The following CNTN4 variants were observed in gnomAD, a reference collection of about 807,000 sequenced individuals.
CNTN4 encodes the protein contactin-4.
A neutral mutation model predicts 122.5 loss-of-function variants in CNTN4; 77 were observed. That is an observed-to-expected ratio of 0.63 (90% CI 0.52 to 0.76). CNTN4 has a LOEUF of 0.76. Ranked by LOEUF, CNTN4 falls within the 30% of genes least tolerant of loss-of-function variation. The probability of loss-of-function intolerance (pLI) is 0.00; values close to 1 mark genes in which losing one functional copy is unlikely to be tolerated. For synonymous variants in CNTN4, 512 were observed against 447.0 expected (o/e 1.15, Z -1.83); for missense variants, 1,256 against 1,259.1 (o/e 1.00, Z 0.04).
intron 2 of CNTN4, among the ~76,000 whole-genome samples, chr3:2,241,461 C>G (rs1206616428): frequency 6.6e-6 from 1 of 152,128 alleles, no homozygotes. Context: ...GCTCCTATCT[C>G]TCTGTCTTTG....
chr3:3,013,397 A>G (rs567760172), intron 14 of CNTN4, among the ~76,000 whole-genome samples: 1 of 152,250 alleles, frequency 6.6e-6, no homozygotes, highest in South Asian at 2.1e-4. Context: ...CAGTAAGAGA[A>G]AGTCCTTTAC....
chr3:2,401,932 C>T (rs2046873248), intron 3 of CNTN4, among the ~76,000 whole-genome samples: 1 of 152,158 alleles, frequency 6.6e-6, no homozygotes, highest in African/African-American at 2.4e-5. Flanking sequence ...TTTAGTTTCT[C>T]AGAGGAGCTA....
At chr3:2,825,891 A>G (rs959437583) in intron 7 of CNTN4, among the ~76,000 whole-genome samples, 6 of 152,212 alleles carry the variant, frequency 3.9e-5, no homozygotes, top group Admixed American at 3.9e-4. Context: ...TTTTACACAG[A>G]ACACATCCCC....
chr3:2,234,370 C>CAAAAAAAAAAAAAAAAAA (rs72401999), intron 2 of CNTN4, among the ~76,000 whole-genome samples: 6 of 94,740 alleles, frequency 6.3e-5, no homozygotes, highest in African/African-American at 2.3e-4. Flanking sequence ...AAGTCCATCT[C>CAAAAAAAAAAAAAAAAAA]AAAAAAAAAA....
intron 4 of CNTN4, among the ~76,000 whole-genome samples, chr3:2,685,509 G>T (rs2085386838): frequency 6.6e-6 from 1 of 152,122 alleles, no homozygotes. Flanking sequence ...ACTAAGAAAA[G>T]ACTTAGAAAA....
At chr3:2,100,808 T>C (rs1481205258) in intron 2 of CNTN4, among the ~76,000 whole-genome samples, 169 bp downstream of exon 2, 3 of 152,200 alleles carry the variant, frequency 2.0e-5, no homozygotes, top group Non-Finnish European at 4.4e-5. Context: ...TTGAAGCTGG[T>C]TTCAACTGCT....
chr3:2,681,941 C>T (rs2085187737), intron 4 of CNTN4, among the ~76,000 whole-genome samples: 1 of 151,906 alleles, frequency 6.6e-6, no homozygotes, highest in African/African-American at 2.4e-5. Context: ...TTCCAGATAC[C>T]TTGGGAACAA....
chr3:2,896,040 A>AG (rs890995797), intron 10 of CNTN4, among the ~76,000 whole-genome samples: 2 of 152,126 alleles, frequency 1.3e-5, no homozygotes, highest in African/African-American at 4.8e-5. Flanking sequence ...CTCAAAAAAA[A>AG]TAAATAAATA....
chr3:2,600,324 G>A (rs1237989234), intron 4 of CNTN4, among the ~76,000 whole-genome samples: 1 of 151,902 alleles, frequency 6.6e-6, no homozygotes, highest in Non-Finnish European at 1.5e-5. Flanking sequence ...TTTACATTAG[G>A]TATGTCTCCT....
chr3:2,478,470 G>T (rs1295732852), intron 3 of CNTN4, among the ~76,000 whole-genome samples: 2 of 130,632 alleles, frequency 1.5e-5, no homozygotes, highest in Non-Finnish European at 3.2e-5. Flanking sequence ...GGATGTGTAG[G>T]TTTGTTACAT....
chr3:2,575,156 AT>A (rs1406313936), intron 4 of CNTN4, among the ~76,000 whole-genome samples: 12 of 152,128 alleles, frequency 7.9e-5, no homozygotes, highest in African/African-American at 2.9e-4. Context: ...TTATATGAAT[AT>A]GTTAAATTAT....
intron 3 of CNTN4, among the ~76,000 whole-genome samples, chr3:2,422,914 C>T (rs918437252): frequency 2.7e-4 from 41 of 152,132 alleles, no homozygotes; most frequent in Non-Finnish European, 5.1e-4. Flanking sequence ...TCTTTTACTC[C>T]TGTTTGCCAC....
intron 6 of CNTN4, among the ~76,000 whole-genome samples, chr3:2,800,456 T>A (rs2150053681): frequency 6.6e-6 from 1 of 152,368 alleles, no homozygotes; most frequent in Non-Finnish European, 1.5e-5. Context: ...TCTTATTATC[T>A]GTTTTGAATC....
Position 2,927,598 on chromosome 3 carries a change from A to G in CNTN4, c.1358+1819A>G, listed in dbSNP as rs1048456048. Reference sequence around the variant, plus strand: ...CAACTGCTACAGCTTAACCATTGTTACAAGCTAATTAAATTACCTTTGGGG... The same window carrying G: ...CAACTGCTACAGCTTAACCATTGTTGCAAGCTAATTAAATTACCTTTGGGG... On this transcript the variant is annotated intron_variant, in intron 13 of 24. Coordinates refer to ENST00000418658, the MANE Select transcript of CNTN4 (RefSeq NM_175607.3). The G allele has an allele frequency of 3.0e-5, 5 of 167,148 alleles. No individual in the cohort carries two copies. In the South Asian group the frequency reaches 6.3e-4, roughly 21 times the overall value. 10.4% of individuals were successfully genotyped at this position (167,148 alleles called of 1,614,324 possible).
At chr3:2,353,552 C>T (rs2044733397) in intron 3 of CNTN4, among the ~76,000 whole-genome samples, 1 of 152,160 alleles carries the variant, frequency 6.6e-6, no homozygotes, top group African/African-American at 2.4e-5. Context: ...CAGTTTCACT[C>T]CTGAGGCCAG....
chr3:3,047,242 T>C (rs370864953), intron 23 of CNTN4, among the ~76,000 whole-genome samples: 40 of 151,892 alleles, frequency 2.6e-4, no homozygotes, highest in African/African-American at 8.5e-4. Flanking sequence ...AACAAGGATA[T>C]CCAGGAATTG....
chr3:2,743,741 G>A (rs1226422594), intron 5 of CNTN4, among the ~76,000 whole-genome samples: 1 of 152,208 alleles, frequency 6.6e-6, no homozygotes. Context: ...TACAGTAAAA[G>A]CAGCATTCCT....
At chr3:2,766,817 C>A (rs1305258768) in intron 6 of CNTN4, among the ~76,000 whole-genome samples, 1 of 152,160 alleles carries the variant, frequency 6.6e-6, no homozygotes, top group Non-Finnish European at 1.5e-5. Flanking sequence ...AGGACACATT[C>A]GCCATATGTC....
intron 3 of CNTN4, among the ~76,000 whole-genome samples, chr3:2,525,285 G>C (rs2077361800): frequency 6.6e-6 from 1 of 152,028 alleles, no homozygotes; most frequent in Non-Finnish European, 1.5e-5. Flanking sequence ...GGCTAGAAAA[G>C]GGATATAAAC....
Sources: gnomAD v4.1 joint callset for allele counts (sites outside exome capture counted in the v4.1 genomes callset) on GRCh38, gnomAD v4.1.1 for gene constraint, MANE v1.5 for transcripts, NCBI Gene and HGNC (gene_info 2026-07-23, HGNC 2026-07-21) for gene names.